CELA3A: variants seen among roughly 807,000 people sequenced by gnomAD.
CELA3A encodes the protein chymotrypsin like elastase 3A.
Under a neutral mutation model 38.6 loss-of-function variants are expected in CELA3A, and 35 were observed. That is an observed-to-expected ratio of 0.91 (90% confidence interval 0.69 to 1.20). The LOEUF is 1.20. CELA3A is among the 50% of genes most tolerant of loss of function. CELA3A has a pLI of 0.00. For missense variants in CELA3A, 343 were observed against 354.2 expected (o/e 0.97, Z 0.25); for synonymous variants, 143 against 136.7 (o/e 1.05, Z -0.32).
At position 22,009,935 on chromosome 1, in the gene CELA3A, C is replaced by G. The variant is rs571044512; in HGVS notation, c.795+78C>G. ...GGTGACAGGTGAGAAACATCGGATC[C>G]TGGGGAGGGCCTGAAAGGATCCTAG... On this transcript the variant is annotated intron_variant, in intron 7 of 7. Coordinates refer to ENST00000290122, the MANE Select transcript of CELA3A (RefSeq NM_005747.5). The G allele has an allele frequency of 3.5e-5, 54 of 1,536,902 alleles. 2 individuals are homozygous for G. In the Admixed American group the frequency reaches 9.3e-4, roughly 27 times the overall value.
chr1:22,011,112 G>A (rs1291362946), intron 7 of CELA3A: 3 of 151,866 alleles, frequency 2.0e-5, no homozygotes, highest in Non-Finnish European at 4.4e-5. Context: ...GAGTGCAGTG[G>A]TTCATGCCTG....
intron 6 of CELA3A, among the ~76,000 whole-genome samples, chr1:22,009,006 C>T (rs985511416): frequency 1.3e-5 from 2 of 151,632 alleles, no homozygotes; most frequent in African/African-American, 4.9e-5. Flanking sequence ...TTGGGAGGCC[C>T]CGGCAGGTGG....
rs1251349267 is a variant in CELA3A, at chr1:22,006,869, C to T, written c.363-9C>T. 3.7e-6 allele frequency: 6 copies of T among 1,611,464 alleles called. No individual in the cohort carries two copies. The highest frequency in any genetic ancestry group is 4.2e-6 in the Non-Finnish European group (5 of 1,178,842). Reference sequence around the variant, plus strand: ...GGACCAGGCCCCGTGACTGTTCCCTCCTCCCCAGCAATGACATCGCCCTCA... The same window carrying T: ...GGACCAGGCCCCGTGACTGTTCCCTTCTCCCCAGCAATGACATCGCCCTCA... On this transcript the variant is annotated splice_polypyrimidine_tract_variant and intron_variant, in intron 4 of 7. Coordinates refer to ENST00000290122, the MANE Select transcript of CELA3A (RefSeq NM_005747.5).
intron 7 of CELA3A, among the ~76,000 whole-genome samples, chr1:22,011,759 TAA>T (rs761137136): frequency 5.6e-5 from 6 of 106,622 alleles, no homozygotes; most frequent in Non-Finnish European, 9.3e-5. Context: ...GACTCTGTCT[TAA>T]AAAAAAAAAA....
Position 22,009,805 on chromosome 1 carries a change from G to A in CELA3A, c.743G>A (p.Trp248Ter). Reference protein sequence around the residue: ...FVSAFGCNFIWKPTVFTRVSA... With the variant: ...FVSAFGCNFI The stretch of plus-strand genomic sequence containing the variant: ...TCTGCCTTTGGCTGCAACTTCATCT[G>A]GAAGCCCACGGTGTTCACTCGAGTC... Residue 248 changes from tryptophan (W) to a stop codon, truncating the protein, a stop_gained, in exon 7 of 8, where the codon TGG becomes TAG. Coordinates refer to ENST00000290122, the MANE Select transcript of CELA3A (RefSeq NM_005747.5). LOFTEE classifies it high-confidence loss of function. 2 of 1,612,128 alleles carry A rather than the reference G, an allele frequency of 1.2e-6. No individual in the cohort carries two copies. Among genetic ancestry groups the A allele is most frequent in the South Asian group, 2.2e-5 (2 of 91,004 alleles).
In CELA3A at chr1:22,002,990, C is replaced by T. The variant is rs749906761; in HGVS notation, c.44-13C>T. On this transcript the variant is annotated splice_polypyrimidine_tract_variant and intron_variant, in intron 1 of 7. Transcript: ENST00000290122. The stretch of plus-strand genomic sequence containing the variant: ...ACCCTCCAGCTGATTGACAGCTCTC[C>T]TCTCCCCTCTAGCCTCAGGCTATGG... 2.5e-6 allele frequency: 4 copies of T among 1,579,008 alleles called. 1 individual carries two copies. The highest frequency in any genetic ancestry group is 2.4e-5 in the East Asian group (1 of 42,024).
intron 4 of CELA3A, among the ~76,000 whole-genome samples, chr1:22,006,492 A>G (rs1644950694): frequency 1.3e-5 from 2 of 151,126 alleles, no homozygotes; most frequent in Non-Finnish European, 2.9e-5. Flanking sequence ...ATGCCACTGC[A>G]CTCCAGCCTG....
intron 7 of CELA3A, chr1:22,011,060 T>G (rs1453025825): frequency 6.6e-6 from 1 of 151,604 alleles, no homozygotes; most frequent in East Asian, 1.9e-4. Flanking sequence ...AAGGATGACA[T>G]GCAAAGTCAT....
chr1:22,006,190 G>T (rs1288810011), intron 4 of CELA3A: 1 of 225,708 alleles, frequency 4.4e-6, no homozygotes, highest in African/African-American at 2.2e-5. Flanking sequence ...GCAAAAGGAG[G>T]AGCACTGGGC....
At chr1:22,009,617 C>T (rs1389289543) in intron 6 of CELA3A, 88 bp from the exon 7 acceptor site, 2 of 1,510,228 alleles carry the variant, frequency 1.3e-6, no homozygotes, top group Admixed American at 4.5e-5. Flanking sequence ...CAAGTAATGT[C>T]AGAGTTTCTT....
chr1:22,009,669 A>G, intron 6 of CELA3A, 36 bp from the exon 7 acceptor site: 1 of 1,601,046 alleles, frequency 6.2e-7, no homozygotes, highest in South Asian at 1.1e-5. Flanking sequence ...AACCTCAGAC[A>G]TGGCTCAGCC....
At chr1:22,004,961 C>G (rs186908550) in intron 2 of CELA3A, among the ~76,000 whole-genome samples, 2 of 150,906 alleles carry the variant, frequency 1.3e-5, no homozygotes, top group Non-Finnish European at 2.9e-5. Context: ...TAGCCAGGCA[C>G]GACGGCAGGT....
intron 6 of CELA3A, among the ~76,000 whole-genome samples, chr1:22,008,227 T>C (rs1309498073): frequency 7.0e-6 from 1 of 141,850 alleles, no homozygotes; most frequent in South Asian, 2.3e-4. Flanking sequence ...CATAGCCCAC[T>C]GTAGCCTTGC....
rs1007123666 is a variant in CELA3A at position 22,009,628 on chromosome 1, G to A, written c.643-77G>A. The A allele has an allele frequency of 2.6e-6, 4 of 1,543,552 alleles. No homozygotes were observed. In the African/African-American group the frequency reaches 4.3e-5, roughly 16 times the overall value. On this transcript the variant is annotated intron_variant, in intron 6 of 7. Coordinates refer to ENST00000290122, the MANE Select transcript of CELA3A (RefSeq NM_005747.5). ...GTGTCAAGTAATGTCAGAGTTTCTT[G>A]AAATCCCTAGAATTCAGAACCAGTT...
Position 22,011,796 on chromosome 1 carries a change from C to T in CELA3A, c.796-654C>T, listed in dbSNP as rs1330623268. Among the ~76,000 whole-genome samples, 7 of 124,604 alleles carry T rather than the reference C, an allele frequency of 5.6e-5. 3 individuals are homozygous for T. The highest frequency in any genetic ancestry group is 2.3e-4 in the African/African-American group (7 of 30,320). 81.7% of individuals were successfully genotyped at this position (124,604 alleles called of 152,430 possible). A position where few individuals can be genotyped will look rare whatever the true frequency, so the allele number is the denominator to read the frequency against. On this transcript the variant is annotated intron_variant, in intron 7 of 7. Coordinates refer to ENST00000290122, the MANE Select transcript of CELA3A (RefSeq NM_005747.5). ...AAGGCCGGGCGTGGTGGCTCACACC[C>T]GTAATCCCACCACTTTGGGAGGCCG...
At chr1:22,008,382 CTCAAGTA>C (rs1307264073) in intron 6 of CELA3A, among the ~76,000 whole-genome samples, 2 of 150,732 alleles carry the variant, frequency 1.3e-5, no homozygotes, top group Non-Finnish European at 2.9e-5. Flanking sequence ...AACTCTTGGG[CTCAAGTA>C]ATCCTCCTGC....
intron 6 of CELA3A, among the ~76,000 whole-genome samples, chr1:22,008,724 A>C (rs971943997): frequency 6.6e-6 from 1 of 150,404 alleles, no homozygotes; most frequent in African/African-American, 2.5e-5. Flanking sequence ...GCGCCACTGC[A>C]CTCCAACCTG....
rs531807126 is a variant in CELA3A, at chr1:22,001,726, C to T, written c.43+9C>T. On this transcript the variant is annotated intron_variant, in intron 1 of 7. Transcript: ENST00000290122. ...CCTCCTTGTGGCCGTTGGTAAGACC[C>T]CAACCTGTCTGTGTGCTCCCTGGGC... 37 of 1,612,136 alleles carry T rather than the reference C, an allele frequency of 2.3e-5. No individual in the cohort carries two copies. The East Asian group carries it at 8.1e-4, about 35-fold the overall frequency.
At position 22,007,371 on chromosome 1, in the gene CELA3A, A is replaced by G. The variant is rs745445958; in HGVS notation, c.500-2A>G. On this transcript the variant is annotated splice_acceptor_variant, in intron 5 of 7. Transcript: ENST00000290122. LOFTEE classifies it high-confidence loss of function. ...CTGACTCGGTGCTTTTTATCCTTGC[A>G]GCCAATGGGCCACTCCCAGACAAGC... The G allele has an allele frequency of 1.9e-6, 3 of 1,608,080 alleles. 1 individual carries two copies. The highest frequency in any genetic ancestry group is 2.5e-6 in the Non-Finnish European group (3 of 1,177,304).
Sources: allele counts gnomAD v4.1 joint callset (sites outside exome capture counted in the v4.1 genomes callset), GRCh38; gene constraint gnomAD v4.1.1; transcripts MANE v1.5; gene names NCBI Gene and HGNC (gene_info 2026-07-23, HGNC 2026-07-21).